Variants in HDAC9 observed in about 807,000 individuals in gnomAD.
HDAC9 encodes the protein MEF-2 interacting transcription repressor (MITR) protein.
A neutral mutation model predicts 139.4 loss-of-function variants in HDAC9; 41 were observed. The ratio of observed to expected loss-of-function variants is 0.29; its 90% CI spans 0.23 to 0.38. The LOEUF is 0.38. Ranked by LOEUF, HDAC9 falls within the 10% of genes least tolerant of loss-of-function variation. HDAC9 has a pLI of 1.00. For synonymous variants in HDAC9, 517 were observed against 476.2 expected (o/e 1.09, Z -1.12); for missense variants, 1,147 against 1,297.0 (o/e 0.88, Z 1.78).
At chr7:18,282,809 C>G (rs1277749773) in intron 2 of HDAC9, among the ~76,000 whole-genome samples, 1 of 152,004 alleles carries the variant, frequency 6.6e-6, no homozygotes, top group Non-Finnish European at 1.5e-5. Context: ...GTGAACAGAA[C>G]TAGCTAGAGC....
upstream of HDAC9, among the ~76,000 whole-genome samples, chr7:18,492,280 T>A (rs1796428750): frequency 6.6e-6 from 1 of 151,980 alleles, no homozygotes; most frequent in African/African-American, 2.4e-5. Flanking sequence ...TGGGATTGTG[T>A]CTTTCAGGAT....
At chr7:18,348,485 A>C (rs1162973691) in intron 1 of HDAC9, among the ~76,000 whole-genome samples, 1 of 152,050 alleles carries the variant, frequency 6.6e-6, no homozygotes, top group Non-Finnish European at 1.5e-5. Context: ...GAAATGCTTA[A>C]TTTTTCTGAA....
At chr7:18,993,942 G>A (rs1481422767) in intron 25 of HDAC9, among the ~76,000 whole-genome samples, 1 of 152,198 alleles carries the variant, frequency 6.6e-6, no homozygotes, top group Non-Finnish European at 1.5e-5. Context: ...TTCAAAGAGA[G>A]GAAAAGGCAG....
chr7:18,551,064 T>C (rs973650637), intron 2 of HDAC9, among the ~76,000 whole-genome samples: 7 of 152,168 alleles, frequency 4.6e-5, no homozygotes, highest in African/African-American at 1.4e-4. Context: ...ATTTTGAAGA[T>C]AGAGTCAAAG....
At chr7:18,984,061 C>G (rs1173272592) in intron 25 of HDAC9, among the ~76,000 whole-genome samples, 1 of 152,060 alleles carries the variant, frequency 6.6e-6, no homozygotes, top group Non-Finnish European at 1.5e-5. Flanking sequence ...CTCATGTCTC[C>G]CTTACACTTC....
intron 2 of HDAC9, among the ~76,000 whole-genome samples, chr7:18,231,004 G>A (rs1362044938): frequency 6.6e-6 from 1 of 152,166 alleles, no homozygotes; most frequent in Non-Finnish European, 1.5e-5. Flanking sequence ...AAGGTTAATG[G>A]AGGTGAAGGT....
At chr7:18,214,776 A>G (rs1044991617) in intron 2 of HDAC9, among the ~76,000 whole-genome samples, 33 of 152,178 alleles carry the variant, frequency 2.2e-4, no homozygotes, top group African/African-American at 7.0e-4. Context: ...GCAGCAGGGC[A>G]TACCTGCAAA....
intron 1 of HDAC9, among the ~76,000 whole-genome samples, chr7:18,150,620 G>C (rs1299626079): frequency 6.6e-6 from 1 of 152,130 alleles, no homozygotes. Context: ...CTGTGAGCCA[G>C]GTCCCAAAAG....
At chr7:18,208,699 C>A (rs1291417056) in intron 2 of HDAC9, among the ~76,000 whole-genome samples, 1 of 151,610 alleles carries the variant, frequency 6.6e-6, no homozygotes, top group Middle Eastern at 3.4e-3. Flanking sequence ...AAATTGTAAA[C>A]AAAGTTATCA....
intron 1 of HDAC9, among the ~76,000 whole-genome samples, chr7:18,422,797 G>T (rs1361304944): frequency 6.6e-6 from 1 of 151,316 alleles, no homozygotes; most frequent in Non-Finnish European, 1.5e-5. Flanking sequence ...GCTTACCTCA[G>T]AATGGATTGG....
At chr7:18,396,035 T>G (rs1377019455) in intron 1 of HDAC9, among the ~76,000 whole-genome samples, 1 of 150,858 alleles carries the variant, frequency 6.6e-6, no homozygotes, top group Non-Finnish European at 1.5e-5. Flanking sequence ...TTTTATATGG[T>G]TTCTAGCTGA....
At chr7:18,637,692 G>A (rs1443113916) in intron 8 of HDAC9, among the ~76,000 whole-genome samples, 1 of 151,962 alleles carries the variant, frequency 6.6e-6, no homozygotes, top group African/African-American at 2.4e-5. Flanking sequence ...GATCCAAAAG[G>A]CCAGGTGGGC....
At chr7:18,971,206 G>C (rs1236351499) in intron 24 of HDAC9, among the ~76,000 whole-genome samples, 2 of 152,174 alleles carry the variant, frequency 1.3e-5, no homozygotes, top group Admixed American at 6.5e-5. Context: ...CAAAAACACA[G>C]AATGGTGAAG....
chr7:18,859,764 GCTT>G (rs1440503043), intron 21 of HDAC9, among the ~76,000 whole-genome samples: 2 of 130,990 alleles, frequency 1.5e-5, no homozygotes, highest in East Asian at 2.2e-4. Context: ...TGCCTACAAA[GCTT>G]CTTTTTCTCT....
rs143616708 is a variant in HDAC9, at chr7:18,786,485, T to TCTTCCTTCCTTCCTTCCTTC, written c.2215-6857_2215-6838dup. 4.4e-4 allele frequency among the ~76,000 whole-genome samples: 57 copies of TCTTCCTTCCTTCCTTCCTTC among 128,474 alleles called. 1 individual carries two copies. Among genetic ancestry groups the TCTTCCTTCCTTCCTTCCTTC allele is most frequent in the African/African-American group, 2.0e-3 (54 of 26,780 alleles). 84.3% of individuals were successfully genotyped at this position (128,474 alleles called of 152,430 possible). A position where few individuals can be genotyped will look rare whatever the true frequency, so the allele number is the denominator to read the frequency against. On this transcript the variant is annotated intron_variant, in intron 16 of 25. Transcript: ENST00000686413. The stretch of plus-strand genomic sequence containing the variant: ...TCCTTCCTTTCGTCCTTCCTTCCTT[T>TCTTCCTTCCTTCCTTCCTTC]CTTCCTTCCTTCCTTCCTTCCTCTC...
intron 1 of HDAC9, among the ~76,000 whole-genome samples, chr7:18,365,765 C>T (rs1382443283): frequency 6.6e-6 from 1 of 151,850 alleles, no homozygotes; most frequent in African/African-American, 2.4e-5. Context: ...TTTAGCTATG[C>T]CTTTGGGCAA....
chr7:18,856,555 G>C (rs1042249715), intron 21 of HDAC9, among the ~76,000 whole-genome samples: 1 of 152,058 alleles, frequency 6.6e-6, no homozygotes, highest in African/African-American at 2.4e-5. Context: ...TGGGCAAAAA[G>C]AAGCCTACAA....
chr7:18,419,942 A>G (rs950354879), intron 1 of HDAC9, among the ~76,000 whole-genome samples: 1 of 152,188 alleles, frequency 6.6e-6, no homozygotes, highest in African/African-American at 2.4e-5. Context: ...ATGGTAGCCC[A>G]TGAATCTCGG....
chr7:18,359,295 C>G (rs573096679), intron 1 of HDAC9, among the ~76,000 whole-genome samples: 1 of 152,086 alleles, frequency 6.6e-6, no homozygotes, highest in Non-Finnish European at 1.5e-5. Flanking sequence ...TTGCAGTGAG[C>G]CAATATCGCA....
Sources: allele counts gnomAD v4.1 joint callset (sites outside exome capture counted in the v4.1 genomes callset), GRCh38; gene constraint gnomAD v4.1.1; transcripts MANE v1.5; gene names NCBI Gene and HGNC (gene_info 2026-07-23, HGNC 2026-07-21).